Variants in KLHL26 observed in about 807,000 individuals in gnomAD.
KLHL26 encodes kelch-like protein 26.
A neutral mutation model predicts 7.1 loss-of-function variants in KLHL26; 4 were observed. That is an observed-to-expected ratio of 0.56 (90% CI 0.28 to 1.28). The LOEUF (loss-of-function observed/expected upper bound fraction) is 1.28. Among genes scored for constraint, KLHL26 ranks in the 50% most tolerant of loss-of-function variants. The pLI, the probability that KLHL26 is intolerant of heterozygous loss-of-function variation, is 0.11. For missense variants in KLHL26, 896 were observed against 924.6 expected (o/e 0.97, Z 0.40); for synonymous variants, 465 against 414.1 (o/e 1.12, Z -1.49).
rs1318636582 is a variant in KLHL26 at position 18,653,454 on chromosome 19, ATCCACCTGCCCT to A, written c.84-10802_84-10791del. On this transcript the variant is annotated intron_variant, in intron 1 of 2. Coordinates refer to ENST00000300976, the MANE Select transcript of KLHL26 (RefSeq NM_018316.3). The stretch of plus-strand genomic sequence containing the variant: ...AGTCCACCCTTCCATCCACCCACCC[ATCCACCTGCCCT>A]TCCATCCACCCACCTACCCATGCCA... Among the ~76,000 whole-genome samples the A allele has an allele frequency of 3.6e-5, 4 of 109,894 alleles. No individual in the cohort carries two copies. In the East Asian group the frequency reaches 1.2e-3, roughly 34 times the overall value. The allele number at this position is 109,894 out of a possible 152,430, so 72.1% of individuals were successfully genotyped here.
At chr19:18,654,902 A>G (rs2052314286) in intron 1 of KLHL26, among the ~76,000 whole-genome samples, 1 of 152,250 alleles carries the variant, frequency 6.6e-6, no homozygotes, top group African/African-American at 2.4e-5. Context: ...CCAGTTGACA[A>G]GCATGACTGA....
chr19:18,641,829 A>G (rs994312132), intron 1 of KLHL26, among the ~76,000 whole-genome samples: 10 of 150,842 alleles, frequency 6.6e-5, no homozygotes, highest in African/African-American at 9.8e-5. Context: ...GGGTTTCTCC[A>G]TGTTGGTCAG....
chr19:18,644,904 A>C (rs1325148811), intron 1 of KLHL26, among the ~76,000 whole-genome samples: 3 of 151,994 alleles, frequency 2.0e-5, no homozygotes, highest in African/African-American at 7.2e-5. Context: ...AACTGTCCCC[A>C]GGAGGGACTG....
At chr19:18,642,751 C>T (rs1478064797) in intron 1 of KLHL26, among the ~76,000 whole-genome samples, 4 of 151,532 alleles carry the variant, frequency 2.6e-5, no homozygotes, top group Non-Finnish European at 5.9e-5. Flanking sequence ...TAGCTACCTG[C>T]AGCCTTCTTG....
chr19:18,646,728 G>T lies in KLHL26; in HGVS notation c.83+9591G>T, dbSNP rs997339415. Among the ~76,000 whole-genome samples, 1 of 152,222 alleles carries T rather than the reference G, an allele frequency of 6.6e-6. No individual in the cohort carries two copies. Among genetic ancestry groups the T allele is most frequent in the Non-Finnish European group, 1.5e-5 (1 of 68,030 alleles). On this transcript the variant is annotated intron_variant, in intron 1 of 2. Coordinates refer to ENST00000300976, the MANE Select transcript of KLHL26 (RefSeq NM_018316.3). This position sits in a 1 kb window ranked among gnomAD's most constrained non-coding sequence, Gnocchi z 5.0. The stretch of plus-strand genomic sequence containing the variant: ...TGCCATCCTTCTGCCCGCCATGCCC[G>T]CATGGGCCTTGAGGGGATCGTCAAT...
At chr19:18,640,380 C>T (rs1390539406) in intron 1 of KLHL26, among the ~76,000 whole-genome samples, 1 of 151,760 alleles carries the variant, frequency 6.6e-6, no homozygotes, top group African/African-American at 2.4e-5. Flanking sequence ...GTAGGTACTA[C>T]AAGGGCGTAT....
At position 18,649,891 on chromosome 19, in the gene KLHL26, G is replaced by A. The variant is rs1976873315; in HGVS notation, c.83+12754G>A. Among the ~76,000 whole-genome samples the A allele has an allele frequency of 6.6e-6, 1 of 152,212 alleles. No homozygotes were observed. On this transcript the variant is annotated intron_variant, in intron 1 of 2. Coordinates refer to ENST00000300976, the MANE Select transcript of KLHL26 (RefSeq NM_018316.3). This position sits in a 1 kb window ranked among gnomAD's most constrained non-coding sequence, Gnocchi z 4.0. ...GAGTGGATTTTGGTGCATGTCCAGC[G>A]TGATTTCAGACCCCTCACTGCGCAG... is the stretch of plus-strand genomic sequence containing the variant.
Position 18,664,405 on chromosome 19 carries a change from A to G in KLHL26, c.228A>G (p.Ala76=). 6.2e-7 allele frequency: 1 copy of G among 1,601,062 alleles called. No individual in the cohort carries two copies. Among genetic ancestry groups the G allele is most frequent in the Non-Finnish European group, 8.5e-7 (1 of 1,174,270 alleles). The change falls in exon 2 of 3, where the codon GCA becomes GCG. Residue 76 remains alanine (A), a synonymous_variant. Transcript: ENST00000300976. ...VLTINREAFP[A]HKVVLAACSD... Reference sequence around the variant, plus strand: ...CTATTAACAGAGAGGCCTTTCCTGCACACAAGGTCGTCCTGGCTGCCTGCA... The same window carrying G: ...CTATTAACAGAGAGGCCTTTCCTGCGCACAAGGTCGTCCTGGCTGCCTGCA...
chr19:18,667,587 C>T lies in KLHL26; in HGVS notation c.267-77C>T, dbSNP rs756884460. On this transcript the variant is annotated intron_variant, in intron 2 of 2. Coordinates refer to ENST00000300976, the MANE Select transcript of KLHL26 (RefSeq NM_018316.3). ...GTTCTGTGTCCCCAGGCTACTGTTCCCCAGGCCAGATCATTCCTGGCTGGC... is the reference window on the plus strand; with the variant it reads ...GTTCTGTGTCCCCAGGCTACTGTTCTCCAGGCCAGATCATTCCTGGCTGGC... 1.9e-6 allele frequency: 3 copies of T among 1,545,762 alleles called. No homozygotes were observed. The South Asian group carries it at 3.7e-5, about 19-fold the overall frequency.
rs1976630356 is a variant in KLHL26 at position 18,637,045 on chromosome 19, C to CG, written c.-4dup. ...CTCCCGTCACTCGAACGCGCGACGG[C>CG]GGGGGGAAGATGGCGGAGTCCGGCG... On this transcript the variant is annotated 5_prime_UTR_variant, in exon 1 of 3. Transcript: ENST00000300976. 2.2e-6 allele frequency: 3 copies of CG among 1,337,658 alleles called. No individual in the cohort carries two copies. Among genetic ancestry groups the CG allele is most frequent in the Non-Finnish European group, 2.9e-6 (3 of 1,036,464 alleles). 82.9% of individuals were successfully genotyped at this position (1,337,658 alleles called of 1,614,324 possible). A position where few individuals can be genotyped will look rare whatever the true frequency, so the allele number is the denominator to read the frequency against.
intron 1 of KLHL26, among the ~76,000 whole-genome samples, chr19:18,658,467 A>C: frequency 9.6e-6 from 1 of 103,922 alleles, no homozygotes; most frequent in Non-Finnish European, 2.1e-5. Context: ...CTCTCCCTGT[A>C]TTTCTCTCCT....
intron 2 of KLHL26, among the ~76,000 whole-genome samples, chr19:18,665,793 C>A (rs2052441868): frequency 6.6e-6 from 1 of 152,194 alleles, no homozygotes; most frequent in Admixed American, 6.5e-5. Flanking sequence ...GAGCCTCCTT[C>A]CTGCCAGGTG....
In KLHL26 at chr19:18,650,792, C is replaced by CG. The variant is rs1339027804; in HGVS notation, c.84-13467dup. 6.6e-6 allele frequency among the ~76,000 whole-genome samples: 1 copy of CG among 152,280 alleles called. No homozygotes were observed. Among genetic ancestry groups the CG allele is most frequent in the East Asian group, 1.9e-4 (1 of 5,178 alleles). The stretch of plus-strand genomic sequence containing the variant: ...GACCTTTTCTGGGAGTCGTGGCGGA[C>CG]GGAGTGGAGCCGTCTGTCTCGTCAC... On this transcript the variant is annotated intron_variant, in intron 1 of 2. Transcript: ENST00000300976. The surrounding 1 kb of genome is among the most constrained non-coding windows in gnomAD (Gnocchi z 4.2).
At chr19:18,638,650 C>G (rs1976660015) in intron 1 of KLHL26, among the ~76,000 whole-genome samples, 1 of 152,220 alleles carries the variant, frequency 6.6e-6, no homozygotes, top group Non-Finnish European at 1.5e-5. Context: ...CCCCAGGTCC[C>G]TGCCTTGGGC....
At chr19:18,651,045 G>C (rs985109643) in intron 1 of KLHL26, among the ~76,000 whole-genome samples, 4 of 152,190 alleles carry the variant, frequency 2.6e-5, no homozygotes, top group Non-Finnish European at 4.4e-5. Flanking sequence ...GGTGGGGAGA[G>C]CCAGAAACCC....
rs753829507 is a variant in KLHL26, at chr19:18,668,130, A to G, written c.733A>G (p.Ser245Gly). The G allele has an allele frequency of 6.2e-7, 1 of 1,604,038 alleles. No homozygotes were observed. Among genetic ancestry groups the G allele is most frequent in the Non-Finnish European group, 8.5e-7 (1 of 1,178,568 alleles). Residue 245 changes from serine to glycine, a missense_variant, in exon 3 of 3, where the codon AGC becomes GGC. Physicochemically the swap from Ser to Gly is moderately conservative, Grantham distance 56. Coordinates refer to ENST00000300976, the MANE Select transcript of KLHL26 (RefSeq NM_018316.3). The stretch of plus-strand genomic sequence containing the variant: ...TGACCCGGCCCGGCGGCCGCGCGCC[A>G]GCCACGTGCTCTGCCACATTCGCTT... ...QHDPARRPRASHVLCHIRFPL... is the reference protein window; with the variant it reads ...QHDPARRPRAGHVLCHIRFPL...
At chr19:18,664,617 T>C (rs1340264454) in intron 2 of KLHL26, among the ~76,000 whole-genome samples, 174 bp downstream of exon 2, 3 of 151,780 alleles carry the variant, frequency 2.0e-5, no homozygotes, top group Non-Finnish European at 2.9e-5. Flanking sequence ...AGTCTCGCGC[T>C]GTTGCCCAGG....
chr19:18,664,227 C>T (rs755439229), intron 1 of KLHL26, 34 bp from the exon 2 acceptor site: 1 of 1,560,612 alleles, frequency 6.4e-7, no homozygotes, highest in Non-Finnish European at 8.7e-7. Flanking sequence ...GTGTGAACCT[C>T]TGGGCCATGT....
rs372570185 is a variant in KLHL26 at position 18,668,174 on chromosome 19, C to T, written c.777C>T (p.Ser259=). ...TTCGCTTCCCGCTCATGCAGTCGTC[C>T]GAGCTGGTGGACAGCGTGCAGACGC... ...CHIRFPLMQS[S]ELVDSVQTLD... Residue 259 remains serine, a synonymous_variant, in exon 3 of 3, where the codon TCC becomes TCT. Coordinates refer to ENST00000300976, the MANE Select transcript of KLHL26 (RefSeq NM_018316.3). 37 of 1,610,272 alleles carry T rather than the reference C, an allele frequency of 2.3e-5. No homozygotes were observed. The highest frequency in any genetic ancestry group is 2.1e-4 in the African/African-American group (16 of 75,042).
Sources: gnomAD v4.1 joint callset for allele counts (sites outside exome capture counted in the v4.1 genomes callset) on GRCh38, gnomAD v4.1.1 for gene constraint, Gnocchi (gnomAD v3.1) non-coding constraint, MANE v1.5 for transcripts, NCBI Gene and HGNC (gene_info 2026-07-23, HGNC 2026-07-21) for gene names.